Variants in CDC42BPA observed in about 807,000 individuals in gnomAD.
CDC42BPA encodes CDC42 binding protein kinase alpha.
Under a neutral mutation model 223.5 loss-of-function variants are expected in CDC42BPA, and 80 were observed. The ratio of observed to expected loss-of-function variants is 0.36; its 90% CI spans 0.30 to 0.43. The LOEUF (loss-of-function observed/expected upper bound fraction) is 0.43, where lower values mean the gene tolerates loss of function less well. CDC42BPA is among the 20% of genes least tolerant of loss of function. CDC42BPA has a pLI of 1.00. For synonymous variants in CDC42BPA, 694 were observed against 718.6 expected (o/e 0.97, Z 0.55); for missense variants, 1,743 against 2,099.9 (o/e 0.83, Z 3.32).
intron 35 of CDC42BPA, chr1:227,004,029 T>G (rs1249368589): frequency 1.3e-5 from 2 of 150,588 alleles, no homozygotes; most frequent in Admixed American, 6.7e-5. Context: ...ATTCCTGGCC[T>G]TCTTTCAGTG....
At chr1:227,068,140 G>C (rs1677494042) in intron 21 of CDC42BPA, among the ~76,000 whole-genome samples, 1 of 151,710 alleles carries the variant, frequency 6.6e-6, no homozygotes, top group Non-Finnish European at 1.5e-5. Context: ...GTCAGCATTA[G>C]AAATAAATCA....
chr1:227,272,368 A>C (rs1306096234), intron 1 of CDC42BPA, among the ~76,000 whole-genome samples: 1 of 152,192 alleles, frequency 6.6e-6, no homozygotes, highest in Non-Finnish European at 1.5e-5. Flanking sequence ...ATGCCAAAAG[A>C]AAAACCCTAA....
At chr1:227,151,436 A>G (rs918828776) in intron 6 of CDC42BPA, among the ~76,000 whole-genome samples, 5 of 152,192 alleles carry the variant, frequency 3.3e-5, no homozygotes, top group Admixed American at 3.3e-4. Context: ...TGCTGCTCTA[A>G]AAATGAGTGT....
rs1694622739 is a variant in CDC42BPA, at chr1:227,317,686, G to A, written c.-504C>T. 1 of 398,390 alleles carries A rather than the reference G, an allele frequency of 2.5e-6. No homozygotes were observed. The highest frequency in any genetic ancestry group is 4.4e-6 in the Non-Finnish European group (1 of 226,094). The allele number at this position is 398,390 out of a possible 1,614,324, so 24.7% of individuals were successfully genotyped here. ...AAAAAAACAGAATGCATAGAAGGGGGAGGGAAAACCAAAAATGTTGCTGCA... is the reference window on the plus strand; with the variant it reads ...AAAAAAACAGAATGCATAGAAGGGGAAGGGAAAACCAAAAATGTTGCTGCA... On this transcript the variant is annotated 5_prime_UTR_variant, in exon 1 of 37. Coordinates refer to ENST00000366766, the MANE Select transcript of CDC42BPA (RefSeq NM_001394014.1).
At position 227,119,573 on chromosome 1, in the gene CDC42BPA, A is replaced by T. The variant is rs565841904; in HGVS notation, c.1647+231T>A. On this transcript the variant is annotated intron_variant, in intron 12 of 36. Transcript: ENST00000366766. ...TTTTAATCTAGTCCTTTGACTATTA[A>T]CTTTCTAAAAGAACAAAAGATTCTG... Among the ~76,000 whole-genome samples the T allele has an allele frequency of 8.5e-5, 13 of 152,170 alleles. No individual in the cohort carries two copies. The East Asian group carries it at 2.5e-3, about 29-fold the overall frequency.
intron 1 of CDC42BPA, among the ~76,000 whole-genome samples, chr1:227,300,761 A>AC: frequency 6.6e-6 from 1 of 152,162 alleles, no homozygotes; most frequent in Non-Finnish European, 1.5e-5. Flanking sequence ...AAAATCTTGG[A>AC]CTTCACCACT....
chr1:227,179,333 T>G (rs572651500), intron 5 of CDC42BPA, among the ~76,000 whole-genome samples: 70 of 146,596 alleles, frequency 4.8e-4, no homozygotes, highest in African/African-American at 1.7e-3. Flanking sequence ...GTATATGAAT[T>G]TATCTCAAAA....
intron 22 of CDC42BPA, among the ~76,000 whole-genome samples, chr1:227,050,912 G>C (rs535567019): frequency 1.6e-4 from 25 of 152,072 alleles, no homozygotes; most frequent in African/African-American, 4.8e-4. Context: ...CAAAATTTTC[G>C]TATCTGTTTA....
intron 2 of CDC42BPA, among the ~76,000 whole-genome samples, chr1:227,215,519 T>A (rs1257465943): frequency 6.6e-6 from 1 of 152,210 alleles, no homozygotes. Context: ...GTGGTGTAAC[T>A]GATCAGGGAC....
At chr1:227,267,054 A>G (rs917735634) in intron 1 of CDC42BPA, among the ~76,000 whole-genome samples, 1 of 152,206 alleles carries the variant, frequency 6.6e-6, no homozygotes, top group African/African-American at 2.4e-5. Flanking sequence ...TTAAATGTCT[A>G]TAGAAGGATA....
intron 12 of CDC42BPA, among the ~76,000 whole-genome samples, chr1:227,115,707 A>C (rs555754636): frequency 6.6e-6 from 1 of 152,262 alleles, no homozygotes; most frequent in South Asian, 2.1e-4. Context: ...TTCTGTAATG[A>C]CACTGCAACT....
Position 227,006,990 on chromosome 1 carries a change from A to AACC in CDC42BPA, c.4858-1882_4858-1880dup, listed in dbSNP as rs539524244. 4.8e-3 allele frequency among the ~76,000 whole-genome samples: 680 copies of AACC among 141,262 alleles called. 3 individuals are homozygous for AACC. The highest frequency in any genetic ancestry group is 0.015 in the African/African-American group (575 of 38,912). The allele number at this position is 141,262 out of a possible 152,430, so 92.7% of individuals were successfully genotyped here. On this transcript the variant is annotated intron_variant, in intron 34 of 36. Coordinates refer to ENST00000366766, the MANE Select transcript of CDC42BPA (RefSeq NM_001394014.1). ...CAACAACAACAACAACAACAACAAC[A>AACC]ACCCCCCAGCAATTCTGCTTGGTGG...
At chr1:227,235,562 T>G (rs1188459290) in intron 2 of CDC42BPA, among the ~76,000 whole-genome samples, 1 of 152,200 alleles carries the variant, frequency 6.6e-6, no homozygotes, top group African/African-American at 2.4e-5. Flanking sequence ...ACCAAACTTT[T>G]GTGTATACTA....
chr1:227,194,435 C>T (rs530443543), intron 4 of CDC42BPA, among the ~76,000 whole-genome samples: 1 of 152,310 alleles, frequency 6.6e-6, no homozygotes, highest in South Asian at 2.1e-4. Context: ...CATTTAGAAA[C>T]CACTACTACG....
chr1:227,308,011 T>C (rs1303456130), intron 1 of CDC42BPA, among the ~76,000 whole-genome samples: 2 of 152,334 alleles, frequency 1.3e-5, no homozygotes, highest in South Asian at 2.1e-4. Context: ...GCAAAAAGCT[T>C]ATCCTGTAAG....
At chr1:227,179,731 G>A (rs1486024466) in intron 5 of CDC42BPA, among the ~76,000 whole-genome samples, 1 of 146,426 alleles carries the variant, frequency 6.8e-6, no homozygotes, top group Non-Finnish European at 1.5e-5. Context: ...AATACCACTG[G>A]CAAGTTATAC....
intron 5 of CDC42BPA, among the ~76,000 whole-genome samples, chr1:227,178,925 A>T (rs59116340): frequency 0.16 from 24,451 of 152,186 alleles, 2,477 homozygotes; most frequent in African/African-American, 0.28. Flanking sequence ...TGCTATGAGC[A>T]TGTACACTTT....
At chr1:227,069,211 A>G (rs1260136767) in intron 21 of CDC42BPA, 3 of 152,176 alleles carry the variant, frequency 2.0e-5, no homozygotes, top group African/African-American at 7.2e-5. Flanking sequence ...ACAAAAATAT[A>G]CTTGATAACA....
At chr1:227,098,866 C>A (rs748241700) in intron 15 of CDC42BPA, among the ~76,000 whole-genome samples, 1 of 151,856 alleles carries the variant, frequency 6.6e-6, no homozygotes, top group Non-Finnish European at 1.5e-5. Flanking sequence ...CACTTTTCTG[C>A]TCAGAATTCT....
Sources: gnomAD v4.1 joint callset for allele counts (sites outside exome capture counted in the v4.1 genomes callset) on GRCh38, gnomAD v4.1.1 for gene constraint, MANE v1.5 for transcripts, NCBI Gene and HGNC (gene_info 2026-07-23, HGNC 2026-07-21) for gene names.